COG6: variants seen among roughly 807,000 people sequenced by gnomAD.
The protein encoded by COG6 is component of oligomeric golgi complex 6.
A neutral mutation model predicts 88.8 loss-of-function variants in COG6; 74 were observed. The observed-to-expected ratio is 0.83, with a 90% CI of 0.69 to 1.01. The LOEUF is 1.01. Ranked by LOEUF, COG6 falls within the 50% of genes least tolerant of loss-of-function variation. The probability of loss-of-function intolerance (pLI) is 0.00; values close to 1 mark genes in which losing one functional copy is unlikely to be tolerated. For missense variants in COG6, 800 were observed against 797.9 expected (o/e 1.00, Z -0.03); for synonymous variants, 286 against 278.7 (o/e 1.03, Z -0.26).
intron 4 of COG6, among the ~76,000 whole-genome samples, chr13:39,668,461 T>C (rs1042852629): frequency 5.9e-5 from 9 of 152,182 alleles, no homozygotes; most frequent in Non-Finnish European, 8.8e-5. Context: ...TGTTAAACTT[T>C]ATATTTTGAG....
At chr13:39,692,250 G>A (rs542821508) in intron 11 of COG6, among the ~76,000 whole-genome samples, 7 of 152,084 alleles carry the variant, frequency 4.6e-5, no homozygotes, top group South Asian at 4.1e-4. Flanking sequence ...TTCCAAAACT[G>A]TAGCTAGAAA....
chr13:39,758,594 G>T lies in COG6; in HGVS notation c.1827-29741G>T, dbSNP rs74765423. On this transcript the variant is annotated intron_variant, in intron 18 of 18. Coordinates refer to the COG6 transcript ENST00000416691. The stretch of plus-strand genomic sequence containing the variant: ...ATAATGTTAGTAATTTTAGAAGCTG[G>T]TATGATGTGGAGAAATTGGAACTCC... Among the ~76,000 whole-genome samples, 1,181 of 152,262 alleles carry T rather than the reference G, an allele frequency of 7.8e-3. 22 individuals carry two copies. Among genetic ancestry groups the T allele is most frequent in the African/African-American group, 0.027 (1,129 of 41,550 alleles).
intron 13 of COG6, among the ~76,000 whole-genome samples, chr13:39,711,082 C>A: frequency 6.6e-6 from 1 of 151,462 alleles, no homozygotes; most frequent in Non-Finnish European, 1.5e-5. Context: ...CAATGATATT[C>A]TTAAAGAAGT....
intron 8 of COG6, chr13:39,682,490 A>G (rs1239777273): frequency 6.6e-6 from 3 of 454,844 alleles, no homozygotes; most frequent in Non-Finnish European, 8.0e-6. Flanking sequence ...GTGTCTCTGT[A>G]TCTAGACTAC....
intron 13 of COG6, among the ~76,000 whole-genome samples, chr13:39,707,497 C>T (rs535070788): frequency 1.3e-5 from 2 of 152,286 alleles, no homozygotes; most frequent in South Asian, 4.1e-4. Context: ...TTTGTATTTG[C>T]ATATGCTCAT....
In COG6 at chr13:39,752,576, G is replaced by A; in HGVS notation, c.*1483G>A. The A allele has an allele frequency of 7.9e-7, 1 of 1,260,572 alleles. No homozygotes were observed. The allele number at this position is 1,260,572 out of a possible 1,614,324, so 78.1% of individuals were successfully genotyped here. A position where few individuals can be genotyped will look rare whatever the true frequency, so the allele number is the denominator to read the frequency against. On this transcript the variant is annotated 3_prime_UTR_variant, in exon 19 of 19. Transcript: ENST00000455146. ...TGAGTGAATTCCTTTGTTTTATAGG[G>A]AAAATTTATTGTGCTTTTTACCTGG...
rs1876044499 is a variant in COG6 at position 39,677,533 on chromosome 13, A to C, written c.494A>C (p.Asp165Ala). 1 of 1,613,174 alleles carries C rather than the reference A, an allele frequency of 6.2e-7. No homozygotes were observed. Among genetic ancestry groups the C allele is most frequent in the Admixed American group, 1.7e-5 (1 of 59,932 alleles). ...AFLSKFQLTSDEMSLLRGTRE... is the reference protein window; with the variant it reads ...AFLSKFQLTSAEMSLLRGTRE... ...TTATCCAAGTTCCAACTGACTTCTG[A>C]TGAAATGAGTCTTCTCCGAGGTACA... is the stretch of plus-strand genomic sequence containing the variant. The change falls in exon 5 of 19, where the codon GAT (aspartate) becomes GCT (alanine). Residue 165 changes from aspartate to alanine, a missense_variant. Physicochemically the swap from Asp to Ala is moderately radical, Grantham distance 126. Transcript: ENST00000455146.
intron 18 of COG6, among the ~76,000 whole-genome samples, chr13:39,742,470 C>G (rs1345717230): frequency 1.3e-5 from 2 of 151,962 alleles, no homozygotes; most frequent in East Asian, 1.9e-4. Flanking sequence ...TCTGATAGAA[C>G]AGACTTTAAA....
intron 3 of COG6, chr13:39,664,277 C>T (rs996935299): frequency 6.5e-6 from 1 of 153,528 alleles, no homozygotes; most frequent in Middle Eastern, 7.7e-4. Flanking sequence ...GTGTTTTTCT[C>T]CACTTTACTA....
chr13:39,762,680 A>T (rs538647899), intron 18 of COG6, among the ~76,000 whole-genome samples: 89 of 151,672 alleles, frequency 5.9e-4, no homozygotes, highest in African/African-American at 2.1e-3. Context: ...ATTATAATAG[A>T]TCGAGGCACC....
At chr13:39,772,074 C>G (rs866930603) in intron 18 of COG6, among the ~76,000 whole-genome samples, 5 of 152,234 alleles carry the variant, frequency 3.3e-5, no homozygotes, top group Admixed American at 6.5e-5. Context: ...TGGTCCAGTT[C>G]TGGTGCTGGT....
intron 18 of COG6, among the ~76,000 whole-genome samples, chr13:39,780,651 C>G (rs1881601867): frequency 1.3e-5 from 2 of 152,108 alleles, no homozygotes; most frequent in Non-Finnish European, 1.5e-5. Flanking sequence ...TTAGGGAGGT[C>G]TGAGGGCATC....
At chr13:39,779,734 G>C (rs1293732056) in intron 18 of COG6, among the ~76,000 whole-genome samples, 2 of 152,130 alleles carry the variant, frequency 1.3e-5, no homozygotes, top group African/African-American at 4.8e-5. Flanking sequence ...CTGTCCTAAA[G>C]TCACCTCAGA....
chr13:39,767,188 G>A (rs1881190340), intron 18 of COG6, among the ~76,000 whole-genome samples: 1 of 152,158 alleles, frequency 6.6e-6, no homozygotes, highest in African/African-American at 2.4e-5. Flanking sequence ...ACACCAGATT[G>A]TTAACGTTTA....
At chr13:39,752,669 TC>T (rs1880704466), downstream of COG6, 1 of 1,217,552 alleles carries the variant, frequency 8.2e-7, no homozygotes. Flanking sequence ...TAGATATATA[TC>T]CTATTGATGT....
At chr13:39,724,324 CAACAA>C (rs1165583306) in intron 16 of COG6, among the ~76,000 whole-genome samples, 179 bp from the exon 17 acceptor site, 1 of 151,860 alleles carries the variant, frequency 6.6e-6, no homozygotes, top group Non-Finnish European at 1.5e-5. Flanking sequence ...TTGCTCTCTC[CAACAA>C]ATCATAGTCC....
intron 18 of COG6, among the ~76,000 whole-genome samples, chr13:39,758,868 A>G (rs1880927640): frequency 6.6e-6 from 1 of 152,218 alleles, no homozygotes; most frequent in African/African-American, 2.4e-5. Context: ...TGGTATATCC[A>G]TACAATGAAA....
intron 13 of COG6, among the ~76,000 whole-genome samples, chr13:39,711,349 A>G (rs890174526): frequency 6.6e-6 from 1 of 152,204 alleles, no homozygotes; most frequent in East Asian, 1.9e-4. Flanking sequence ...GATTCCCTAC[A>G]GAAGAATCTA....
chr13:39,755,126 C>G (rs1320608730), downstream of COG6, among the ~76,000 whole-genome samples: 1 of 151,998 alleles, frequency 6.6e-6, no homozygotes, highest in Non-Finnish European at 1.5e-5. Flanking sequence ...TGATCAAAGT[C>G]AACTTTTTCA....
Sources: allele counts gnomAD v4.1 joint callset (sites outside exome capture counted in the v4.1 genomes callset), GRCh38; gene constraint gnomAD v4.1.1; transcripts MANE v1.5; gene names NCBI Gene and HGNC (gene_info 2026-07-23, HGNC 2026-07-21).